GRM7: variants seen among roughly 807,000 people sequenced by gnomAD.
GRM7 encodes metabotropic glutamate receptor 7.
In GRM7, 35 loss-of-function variants were observed where a neutral mutation model predicts 84.5. The ratio of observed to expected loss-of-function variants is 0.41; its 90% CI spans 0.32 to 0.55. The LOEUF (loss-of-function observed/expected upper bound fraction) is 0.55, where lower values mean the gene tolerates loss of function less well. Ranked by LOEUF, GRM7 falls within the 20% of genes least tolerant of loss-of-function variation. The probability of loss-of-function intolerance (pLI) is 0.19; values close to 1 mark genes in which losing one functional copy is unlikely to be tolerated. For missense variants in GRM7, 1,003 were observed against 1,194.6 expected (o/e 0.84, Z 2.36); for synonymous variants, 487 against 455.1 (o/e 1.07, Z -0.89).
intron 1 of GRM7, among the ~76,000 whole-genome samples, chr3:7,041,063 G>C (rs1250968904): frequency 3.5e-5 from 5 of 143,614 alleles, no homozygotes; most frequent in Non-Finnish European, 7.5e-5. Flanking sequence ...CTGGGTGACA[G>C]AGTGAGACCC....
intron 8 of GRM7, among the ~76,000 whole-genome samples, chr3:7,674,860 A>G (rs2125135526): frequency 1.3e-5 from 2 of 152,328 alleles, no homozygotes; most frequent in Middle Eastern, 6.8e-3. Context: ...TAAAAAGATA[A>G]AAGTACCAAA....
chr3:7,694,456 T>C, intron 9 of GRM7: 1 of 851,226 alleles, frequency 1.2e-6, no homozygotes, highest in Non-Finnish European at 1.4e-6. Flanking sequence ...TTTAAGAATG[T>C]CAAGCAATCC....
intron 1 of GRM7, among the ~76,000 whole-genome samples, chr3:7,072,887 C>A (rs1386093059): frequency 6.6e-6 from 1 of 152,104 alleles, no homozygotes; most frequent in Non-Finnish European, 1.5e-5. Context: ...TGAATCATAG[C>A]CCCCAGGCTA....
intron 4 of GRM7, among the ~76,000 whole-genome samples, chr3:7,408,809 C>G (rs1006062201): frequency 6.6e-6 from 1 of 152,210 alleles, no homozygotes; most frequent in Non-Finnish European, 1.5e-5. Flanking sequence ...ATTTTGCAGA[C>G]AGAAAACCCA....
At chr3:7,596,213 C>T (rs564692824) in intron 8 of GRM7, among the ~76,000 whole-genome samples, 14 of 152,166 alleles carry the variant, frequency 9.2e-5, no homozygotes, top group Middle Eastern at 3.4e-3. Flanking sequence ...ACGTGTTGTG[C>T]GGACAGCTGT....
At chr3:7,592,320 T>C (rs1309995494) in intron 8 of GRM7, among the ~76,000 whole-genome samples, 1 of 150,746 alleles carries the variant, frequency 6.6e-6, no homozygotes, top group Non-Finnish European at 1.5e-5. Flanking sequence ...CAATTAGGAA[T>C]AGGGGCTCAG....
intron 4 of GRM7, among the ~76,000 whole-genome samples, chr3:7,372,948 C>G (rs1694200249): frequency 6.6e-6 from 1 of 151,814 alleles, no homozygotes; most frequent in Admixed American, 6.6e-5. Flanking sequence ...AAACGAGAAA[C>G]CTCATGTAAT....
At chr3:7,640,656 C>G (rs1335221135) in intron 8 of GRM7, among the ~76,000 whole-genome samples, 1 of 152,152 alleles carries the variant, frequency 6.6e-6, no homozygotes, top group African/African-American at 2.4e-5. Flanking sequence ...CTGAGAAATA[C>G]TATTTATAGC....
intron 8 of GRM7, among the ~76,000 whole-genome samples, chr3:7,639,138 T>C (rs1698245755): frequency 6.6e-6 from 1 of 152,220 alleles, no homozygotes; most frequent in Admixed American, 6.5e-5. Flanking sequence ...ATGGTGTGTA[T>C]TAAATGTGTC....
chr3:7,415,855 G>T (rs773927317), intron 5 of GRM7, among the ~76,000 whole-genome samples: 2 of 152,102 alleles, frequency 1.3e-5, no homozygotes, highest in African/African-American at 2.4e-5. Context: ...CTTTATTCCA[G>T]TGATCTCACG....
chr3:7,328,696 G>T (rs777973521), intron 4 of GRM7, among the ~76,000 whole-genome samples: 1 of 152,102 alleles, frequency 6.6e-6, no homozygotes, highest in Non-Finnish European at 1.5e-5. Flanking sequence ...CCTCTTTAAG[G>T]TCTGTGAGTC....
intron 7 of GRM7, among the ~76,000 whole-genome samples, chr3:7,530,789 C>T (rs1375707542): frequency 6.7e-6 from 1 of 149,994 alleles, no homozygotes; most frequent in East Asian, 2.0e-4. Context: ...TTTGATGGGT[C>T]TGTTTTTTTT....
intron 5 of GRM7, among the ~76,000 whole-genome samples, chr3:7,446,503 C>G (rs1345102842): frequency 1.4e-5 from 2 of 148,044 alleles, no homozygotes; most frequent in East Asian, 2.0e-4. Context: ...TTCTGTAGCC[C>G]AGGCTGAAGT....
intron 2 of GRM7, among the ~76,000 whole-genome samples, chr3:7,207,331 C>A (rs373748437): frequency 1.2e-3 from 188 of 152,288 alleles, no homozygotes; most frequent in African/African-American, 4.3e-3. Flanking sequence ...GCATCAGGAG[C>A]TTGCAAAGTG....
intron 1 of GRM7, among the ~76,000 whole-genome samples, chr3:6,909,946 G>A (rs1189617296): frequency 6.6e-6 from 1 of 152,022 alleles, no homozygotes; most frequent in Non-Finnish European, 1.5e-5. Context: ...CTAATTGAGA[G>A]CCTTTCTAGA....
At chr3:7,120,687 G>A (rs1330336733) in intron 1 of GRM7, among the ~76,000 whole-genome samples, 2 of 152,116 alleles carry the variant, frequency 1.3e-5, no homozygotes, top group Non-Finnish European at 2.9e-5. Context: ...TTTGCCATTT[G>A]TGAAACCAAC....
At chr3:7,618,955 G>T (rs1188496188) in intron 8 of GRM7, among the ~76,000 whole-genome samples, 1 of 152,060 alleles carries the variant, frequency 6.6e-6, no homozygotes, top group Non-Finnish European at 1.5e-5. Flanking sequence ...CAGAGGTTCG[G>T]AGATCAAAAA....
intron 8 of GRM7, among the ~76,000 whole-genome samples, chr3:7,660,439 A>G (rs1392778294): frequency 1.3e-5 from 2 of 152,248 alleles, no homozygotes; most frequent in Non-Finnish European, 2.9e-5. Flanking sequence ...GTCTTGAGAA[A>G]CAACAAAATA....
At chr3:7,057,696 C>T (rs1574844883) in intron 1 of GRM7, among the ~76,000 whole-genome samples, 1 of 151,934 alleles carries the variant, frequency 6.6e-6, no homozygotes, top group African/African-American at 2.4e-5. Flanking sequence ...GAAACATTTT[C>T]CAAATCTTGT....
Sources: gnomAD v4.1 joint callset for allele counts (sites outside exome capture counted in the v4.1 genomes callset) on GRCh38, gnomAD v4.1.1 for gene constraint, MANE v1.5 for transcripts, NCBI Gene and HGNC (gene_info 2026-07-23, HGNC 2026-07-21) for gene names.